The following PSIP1 variants were observed in gnomAD, a reference collection of about 807,000 sequenced individuals.
PSIP1 encodes the protein PC4 and SRSF1 interacting protein 1.
Under a neutral mutation model 74.7 loss-of-function variants are expected in PSIP1, and 19 were observed. The observed-to-expected ratio is 0.25, with a 90% confidence interval of 0.18 to 0.37. The LOEUF is 0.37. Ranked by LOEUF, PSIP1 falls within the 10% of genes least tolerant of loss-of-function variation. The pLI, the probability that PSIP1 is intolerant of heterozygous loss-of-function variation, is 1.00. For missense variants in PSIP1, 601 were observed against 614.3 expected, an observed-to-expected ratio of 0.98 and a Z score of 0.23; for synonymous variants, 222 against 195.3, an observed-to-expected ratio of 1.14 and a Z score of -1.14.
At chr9:15,473,929 A>G in intron 9 of PSIP1, 80 bp downstream of exon 9, 1 of 936,184 alleles carries the variant, frequency 1.1e-6, no homozygotes, top group Non-Finnish European at 1.4e-6. Flanking sequence ...AAAAAAAACA[A>G]AAAAAAAACA....
chr9:15,484,379 A>T (rs890743349), intron 6 of PSIP1, among the ~76,000 whole-genome samples: 1 of 151,728 alleles, frequency 6.6e-6, no homozygotes, highest in Admixed American at 6.6e-5. Context: ...TGGGCAGATC[A>T]CCTGAGGTCA....
chr9:15,472,168 T>C (rs1422741057), intron 10 of PSIP1: 2 of 986,180 alleles, frequency 2.0e-6, no homozygotes, highest in Non-Finnish European at 2.4e-6. Flanking sequence ...TGTCAGCCTT[T>C]AGATTTACTT....
At chr9:15,508,819 G>C (rs2037718446) in intron 2 of PSIP1, among the ~76,000 whole-genome samples, 1 of 152,140 alleles carries the variant, frequency 6.6e-6, no homozygotes, top group Admixed American at 6.5e-5. Context: ...CAATATATTT[G>C]GAGGTCAAAG....
intron 3 of PSIP1, among the ~76,000 whole-genome samples, chr9:15,494,725 A>G (rs1255335804): frequency 6.6e-6 from 1 of 152,168 alleles, no homozygotes; most frequent in Admixed American, 6.6e-5. Context: ...TTATGCTAGG[A>G]TTAAGGCAAA....
Position 15,465,267 on chromosome 9 carries a change from T to C in PSIP1, c.*253A>G, listed in dbSNP as rs1300446880. The C allele has an allele frequency of 4.8e-6, 2 of 414,176 alleles. No individual in the cohort carries two copies. The highest frequency in any genetic ancestry group is 4.1e-5 in the East Asian group (1 of 24,562). The allele number at this position is 414,176 out of a possible 1,614,324, so 25.7% of individuals were successfully genotyped here. Reference sequence around the variant, plus strand: ...ACTAATTGAAAATATGCTACAACCATGTCTGGAAAAGCAGTTTAACATTTT... The same window carrying C: ...ACTAATTGAAAATATGCTACAACCACGTCTGGAAAAGCAGTTTAACATTTT... On this transcript the variant is annotated 3_prime_UTR_variant, in exon 16 of 16. Coordinates refer to ENST00000380733, the MANE Select transcript of PSIP1 (RefSeq NM_033222.5).
intron 1 of PSIP1, among the ~76,000 whole-genome samples, chr9:15,510,532 GCTGCCCGGCCAGAAATCGCCCGT>G (rs1450481552): frequency 3.3e-5 from 5 of 152,096 alleles, no homozygotes; most frequent in Non-Finnish European, 5.9e-5. Flanking sequence ...AAGCAGGGAT[GCTGCCCGGCCAGAAATCGCCCGT>G]CTGCCCGCCC....
In PSIP1 at chr9:15,464,379, T is replaced by G; in HGVS notation, c.*1141A>C. The G allele has an allele frequency of 5.1e-6, 1 of 195,508 alleles. No homozygotes were observed. Among genetic ancestry groups the G allele is most frequent in the Non-Finnish European group, 1.1e-5 (1 of 94,086 alleles). The allele number at this position is 195,508 out of a possible 1,614,324, so 12.1% of individuals were successfully genotyped here. On this transcript the variant is annotated 3_prime_UTR_variant, in exon 16 of 16. Transcript: ENST00000380733. ...GAGAAGTATCCTACTTGCTGAGAAG[T>G]GCCAAATGACCCTAATATTCAAAAT... is the stretch of plus-strand genomic sequence containing the variant.
intron 6 of PSIP1, among the ~76,000 whole-genome samples, chr9:15,484,069 T>C (rs1414676475): frequency 1.3e-5 from 2 of 148,160 alleles, no homozygotes; most frequent in South Asian, 2.1e-4. Context: ...GAGGTGGAGG[T>C]TGCAGTGAGC....
chr9:15,482,202 G>C lies in PSIP1; in HGVS notation c.457-2515C>G, dbSNP rs935974540. Among the ~76,000 whole-genome samples the C allele has an allele frequency of 2.0e-5, 3 of 151,888 alleles. No homozygotes were observed. In the East Asian group the frequency reaches 5.8e-4, roughly 29 times the overall value. ...AAGTCCTCCACATCCTTGTTTTGCT[G>C]TATCTGTCCCACAAATCCTCAAGAG... On this transcript the variant is annotated intron_variant, in intron 6 of 15. Transcript: ENST00000380733.
At chr9:15,494,536 G>C (rs1043035072) in intron 3 of PSIP1, among the ~76,000 whole-genome samples, 1 of 114,816 alleles carries the variant, frequency 8.7e-6, no homozygotes, top group East Asian at 2.9e-4. Flanking sequence ...TTGCACTCCA[G>C]CCTGGGCAAC....
intron 10 of PSIP1, chr9:15,470,746 A>C (rs989416205): frequency 1.0e-6 from 1 of 964,002 alleles, no homozygotes; most frequent in Non-Finnish European, 1.2e-6. Context: ...TAAGATTCTA[A>C]AGAATTAAAC....
At chr9:15,506,698 GAATA>G (rs1312386001) in intron 2 of PSIP1, 61 bp from the exon 3 acceptor site, 4 of 1,251,750 alleles carry the variant, frequency 3.2e-6, no homozygotes, top group African/African-American at 3.0e-5. Flanking sequence ...ACATTTATCT[GAATA>G]AACAAGAGCA....
Position 15,490,231 on chromosome 9 carries a change from C to A in PSIP1, c.150-107G>T, listed in dbSNP as rs371657615. ...TATCAAAAATACAGAACCTAAACTG[C>A]ATTACAAATCTTAAATAAGTTAAAG... On this transcript the variant is annotated intron_variant, in intron 3 of 15. Transcript: ENST00000380733. 1.2e-4 allele frequency: 121 copies of A among 1,032,468 alleles called. No homozygotes were observed. The South Asian group carries it at 2.5e-3, about 21-fold the overall frequency. 64.0% of individuals were successfully genotyped at this position (1,032,468 alleles called of 1,614,324 possible). A position where few individuals can be genotyped will look rare whatever the true frequency, so the allele number is the denominator to read the frequency against.
intron 14 of PSIP1, 50 bp downstream of exon 14, chr9:15,468,580 G>C: frequency 6.4e-7 from 1 of 1,568,270 alleles, no homozygotes. Flanking sequence ...AAGCAGTCCT[G>C]GCAAATGGTT....
chr9:15,481,811 G>A (rs994387886), intron 6 of PSIP1, among the ~76,000 whole-genome samples: 1 of 152,116 alleles, frequency 6.6e-6, no homozygotes, highest in Admixed American at 6.5e-5. Context: ...TACCATGCAC[G>A]TGTGTTCATG....
chr9:15,472,626 A>T lies in PSIP1; in HGVS notation c.977+6T>A. ...ACCCAAAATTTAGAAAAAAAAAAAT[A>T]CTTACTGCTCAGTTTCCATTTGTTC... On this transcript the variant is annotated splice_donor_region_variant and intron_variant, in intron 10 of 15. Coordinates refer to ENST00000380733, the MANE Select transcript of PSIP1 (RefSeq NM_033222.5). 6.4e-7 allele frequency: 1 copy of T among 1,567,932 alleles called. No homozygotes were observed. The highest frequency in any genetic ancestry group is 8.6e-7 in the Non-Finnish European group (1 of 1,167,414).
At chr9:15,498,906 A>C (rs2037206359) in intron 3 of PSIP1, among the ~76,000 whole-genome samples, 1 of 152,212 alleles carries the variant, frequency 6.6e-6, no homozygotes, top group African/African-American at 2.4e-5. Context: ...GTTTGAAAAA[A>C]ACACGTCAAA....
chr9:15,471,320 G>A (rs2132044356), intron 10 of PSIP1: 1 of 1,564,280 alleles, frequency 6.4e-7, no homozygotes, highest in Non-Finnish European at 8.8e-7. Context: ...AACTGTCCAA[G>A]TACAAAGTTT....
At chr9:15,472,964 T>A (rs888196800) in intron 9 of PSIP1, among the ~76,000 whole-genome samples, 4 of 152,250 alleles carry the variant, frequency 2.6e-5, no homozygotes, top group African/African-American at 9.6e-5. Context: ...TATGCCCTGC[T>A]ATAGGAGTGA....
Sources: gnomAD v4.1 joint callset for allele counts (sites outside exome capture counted in the v4.1 genomes callset) on GRCh38, gnomAD v4.1.1 for gene constraint, MANE v1.5 for transcripts, NCBI Gene and HGNC (gene_info 2026-07-23, HGNC 2026-07-21) for gene names.